Variants in GALNTL6 observed in about 807,000 individuals in gnomAD.
GALNTL6 encodes polypeptide N-acetylgalactosaminyltransferase-like 6.
In GALNTL6, 46 loss-of-function variants were observed where a neutral mutation model predicts 73.7. That is an observed-to-expected ratio of 0.62 (90% CI 0.49 to 0.80). The LOEUF is 0.80. Ranked by LOEUF, GALNTL6 falls within the 30% of genes least tolerant of loss-of-function variation. The pLI is 0.00. For missense variants in GALNTL6, 604 were observed against 755.0 expected (o/e 0.80, Z 2.34); for synonymous variants, 259 against 263.7 (o/e 0.98, Z 0.17).
intron 3 of GALNTL6, among the ~76,000 whole-genome samples, chr4:172,271,930 A>G (rs1490378551): frequency 6.6e-6 from 1 of 151,592 alleles, no homozygotes; most frequent in African/African-American, 2.4e-5. Context: ...ATTAGAGAAG[A>G]TAGGGCCATC....
intron 5 of GALNTL6, among the ~76,000 whole-genome samples, chr4:172,398,199 A>G (rs765044286): frequency 6.6e-5 from 10 of 152,198 alleles, no homozygotes; most frequent in Non-Finnish European, 1.3e-4. Flanking sequence ...ACAATTACAT[A>G]TTCTTAAATT....
intron 5 of GALNTL6, among the ~76,000 whole-genome samples, chr4:172,485,891 G>A (rs1733648402): frequency 6.6e-6 from 1 of 152,112 alleles, no homozygotes; most frequent in African/African-American, 2.4e-5. Flanking sequence ...TGCGTTGAAG[G>A]TCTGCTGTAG....
At chr4:172,908,812 C>G (rs1265950815) in intron 8 of GALNTL6, among the ~76,000 whole-genome samples, 1 of 151,314 alleles carries the variant, frequency 6.6e-6, no homozygotes, top group African/African-American at 2.4e-5. Flanking sequence ...CAAAAAAAGA[C>G]TTGAAAAAAA....
At chr4:172,816,210 T>G (rs1741599118) in intron 7 of GALNTL6, among the ~76,000 whole-genome samples, 1 of 152,204 alleles carries the variant, frequency 6.6e-6, no homozygotes, top group African/African-American at 2.4e-5. Context: ...CAAAGAAGAA[T>G]GTGCAAACGT....
At chr4:172,172,997 T>G (rs1426925339) in intron 2 of GALNTL6, among the ~76,000 whole-genome samples, 1 of 152,154 alleles carries the variant, frequency 6.6e-6, no homozygotes, top group East Asian at 1.9e-4. Context: ...GGGAAAGGCT[T>G]TAGTATATCC....
intron 5 of GALNTL6, 99 bp downstream of exon 5, chr4:172,348,788 A>G: frequency 1.4e-6 from 1 of 705,840 alleles, no homozygotes; most frequent in South Asian, 3.2e-5. Flanking sequence ...TTCTGATTCC[A>G]TCTGAAAGGT....
chr4:172,687,032 AC>A (rs937867474), intron 5 of GALNTL6, among the ~76,000 whole-genome samples: 4 of 152,198 alleles, frequency 2.6e-5, no homozygotes, highest in Non-Finnish European at 4.4e-5. Flanking sequence ...AAGTCTGATG[AC>A]CAAACCAAGG....
At chr4:172,702,555 G>A (rs775074468) in intron 5 of GALNTL6, among the ~76,000 whole-genome samples, 4 of 151,774 alleles carry the variant, frequency 2.6e-5, no homozygotes, top group South Asian at 4.2e-4. Flanking sequence ...ACAGTGGGGC[G>A]GGACCTTTGG....
chr4:172,631,875 A>G (rs1410270808), intron 5 of GALNTL6, among the ~76,000 whole-genome samples: 1 of 152,250 alleles, frequency 6.6e-6, no homozygotes, highest in African/African-American at 2.4e-5. Context: ...ATCTGAAGCC[A>G]TAATTCATAA....
chr4:172,535,544 A>G (rs963089771), intron 5 of GALNTL6, among the ~76,000 whole-genome samples: 18 of 152,242 alleles, frequency 1.2e-4, no homozygotes, highest in Admixed American at 9.2e-4. Context: ...ATCACTGACA[A>G]TATTAAAAAG....
intron 4 of GALNTL6, 63 bp downstream of exon 4, chr4:172,311,815 T>A: frequency 8.3e-7 from 1 of 1,208,708 alleles, no homozygotes. Flanking sequence ...CTTTGATTTT[T>A]TTTTAAATGT....
At chr4:171,941,231 T>C (rs1453391293) in intron 2 of GALNTL6, among the ~76,000 whole-genome samples, 1 of 152,260 alleles carries the variant, frequency 6.6e-6, no homozygotes, top group Non-Finnish European at 1.5e-5. Context: ...GACTCATTGT[T>C]GACTGTATTC....
At chr4:173,037,123 A>T (rs1753728253) in intron 12 of GALNTL6, among the ~76,000 whole-genome samples, 1 of 152,154 alleles carries the variant, frequency 6.6e-6, no homozygotes, top group African/African-American at 2.4e-5. Flanking sequence ...GAGAAGCTTC[A>T]CCTCCGGGAC....
At chr4:172,193,619 T>G (rs942261090) in intron 2 of GALNTL6, among the ~76,000 whole-genome samples, 5 of 152,024 alleles carry the variant, frequency 3.3e-5, no homozygotes, top group African/African-American at 1.2e-4. Flanking sequence ...TCCCAGCACT[T>G]TGGGAGGCCG....
At chr4:172,756,298 C>T (rs1737745834) in intron 5 of GALNTL6, among the ~76,000 whole-genome samples, 1 of 152,146 alleles carries the variant, frequency 6.6e-6, no homozygotes, top group South Asian at 2.1e-4. Context: ...AAAAAATAAT[C>T]ATAGAACAAC....
At chr4:172,318,671 T>C (rs1740651936) in intron 4 of GALNTL6, among the ~76,000 whole-genome samples, 1 of 151,850 alleles carries the variant, frequency 6.6e-6, no homozygotes. Context: ...CATTGCACTC[T>C]GGCCTGGGCA....
At chr4:171,820,317 C>T (rs895670592) in intron 2 of GALNTL6, among the ~76,000 whole-genome samples, 3 of 152,088 alleles carry the variant, frequency 2.0e-5, no homozygotes, top group Non-Finnish European at 4.4e-5. Flanking sequence ...ATGATGAATT[C>T]AAGGTAAAGC....
At chr4:171,998,277 T>C (rs1255540431) in intron 2 of GALNTL6, among the ~76,000 whole-genome samples, 1 of 152,144 alleles carries the variant, frequency 6.6e-6, no homozygotes, top group African/African-American at 2.4e-5. Flanking sequence ...GAAAGAGAGA[T>C]CTATTTTAAG....
chr4:172,193,772 A>G (rs1579237764), intron 2 of GALNTL6, among the ~76,000 whole-genome samples: 1 of 152,298 alleles, frequency 6.6e-6, no homozygotes, highest in African/African-American at 2.4e-5. Context: ...CTGAGGCAGG[A>G]GAATGGCGTG....
Sources: gnomAD v4.1 joint callset for allele counts (sites outside exome capture counted in the v4.1 genomes callset) on GRCh38, gnomAD v4.1.1 for gene constraint, MANE v1.5 for transcripts, NCBI Gene and HGNC (gene_info 2026-07-23, HGNC 2026-07-21) for gene names.